Variants in OSBPL10 observed in about 807,000 individuals in gnomAD.
OSBPL10 encodes the protein oxysterol-binding protein-related protein 10.
OSBPL10 carries 49 observed loss-of-function variants against 81.7 expected under a neutral mutation model. The ratio of observed to expected loss-of-function variants is 0.60; its 90% CI spans 0.48 to 0.76. OSBPL10 has a LOEUF of 0.76. OSBPL10 is among the 30% of genes least tolerant of loss of function. OSBPL10 has a pLI of 0.00. For missense variants in OSBPL10, 923 were observed against 987.8 expected (o/e 0.93, Z 0.88); for synonymous variants, 419 against 383.6 (o/e 1.09, Z -1.08).
chr3:32,012,717 AC>A (rs1263167031), intron 2 of OSBPL10, among the ~76,000 whole-genome samples: 1 of 152,206 alleles, frequency 6.6e-6, no homozygotes, highest in Non-Finnish European at 1.5e-5. Context: ...GCAGAGACAC[AC>A]TTAGGCTCAA....
At position 31,945,149 on chromosome 3, in the gene OSBPL10, CAAAAAAAA is replaced by C. The variant is rs71628589; in HGVS notation, c.281+35742_281+35749del. On this transcript the variant is annotated intron_variant, in intron 1 of 11. Transcript: ENST00000396556. The stretch of plus-strand genomic sequence containing the variant: ...CTGGCGACAGAGCAAGACTCCGTCT[CAAAAAAAA>C]AAAAAAAAAAAAACAGGAAGGAACA... Among the ~76,000 whole-genome samples, 44 of 81,618 alleles carry C rather than the reference CAAAAAAAA, an allele frequency of 5.4e-4. 1 individual carries two copies. The highest frequency in any genetic ancestry group is 1.9e-3 in the African/African-American group (43 of 22,310). 53.5% of individuals were successfully genotyped at this position (81,618 alleles called of 152,430 possible). A position where few individuals can be genotyped will look rare whatever the true frequency, so the allele number is the denominator to read the frequency against.
Position 31,718,974 on chromosome 3 carries a change from G to A in OSBPL10, c.1095+14283C>T, listed in dbSNP as rs188531117. ...GTGCATTTCTCTTAATAAGAGGACT[G>A]CTAGAGTCTTGCTAGATGATGTTTC... On this transcript the variant is annotated intron_variant, in intron 6 of 11. Transcript: ENST00000396556. 6 of 152,294 alleles carry A rather than the reference G, an allele frequency of 3.9e-5. No individual in the cohort carries two copies. In the East Asian group the frequency reaches 1.2e-3, roughly 29 times the overall value. 9.4% of individuals were successfully genotyped at this position (152,294 alleles called of 1,614,324 possible).
intron 1 of OSBPL10, among the ~76,000 whole-genome samples, chr3:31,916,336 T>A (rs1696757152): frequency 6.6e-6 from 1 of 152,156 alleles, no homozygotes; most frequent in South Asian, 2.1e-4. Context: ...AATTCTAAAG[T>A]CACGTAAAAT....
At chr3:31,712,424 G>A (rs185141938) in intron 6 of OSBPL10, among the ~76,000 whole-genome samples, 6 of 152,360 alleles carry the variant, frequency 3.9e-5, no homozygotes, top group Admixed American at 3.3e-4. Flanking sequence ...GAGATGAGGA[G>A]ATTAACCTGG....
chr3:31,758,306 A>G (rs1016146238), intron 4 of OSBPL10, among the ~76,000 whole-genome samples: 3 of 152,224 alleles, frequency 2.0e-5, no homozygotes, highest in African/African-American at 7.2e-5. Context: ...GTCCATCCCA[A>G]CTAAGAACTG....
chr3:31,950,134 G>C (rs1697827434), intron 1 of OSBPL10, among the ~76,000 whole-genome samples: 1 of 152,136 alleles, frequency 6.6e-6, no homozygotes, highest in African/African-American at 2.4e-5. Context: ...TGGAAAAGAA[G>C]TAAGAACTTG....
intron 2 of OSBPL10, among the ~76,000 whole-genome samples, chr3:32,026,131 G>C (rs1361794197): frequency 6.6e-6 from 1 of 151,632 alleles, no homozygotes; most frequent in Non-Finnish European, 1.5e-5. Flanking sequence ...CAGAGATAGA[G>C]ATAGAGATAT....
intron 3 of OSBPL10, among the ~76,000 whole-genome samples, chr3:31,864,716 G>A (rs1701135145): frequency 1.3e-5 from 2 of 152,104 alleles, no homozygotes; most frequent in Admixed American, 6.5e-5. Context: ...GAGATAGAGG[G>A]GAAGGAACTG....
At chr3:31,866,176 T>A (rs564414630) in intron 3 of OSBPL10, among the ~76,000 whole-genome samples, 1 of 152,254 alleles carries the variant, frequency 6.6e-6, no homozygotes, top group African/African-American at 2.4e-5. Flanking sequence ...CACCTCACCC[T>A]TCACATTTTG....
chr3:31,846,547 G>A (rs1215981077), intron 3 of OSBPL10, among the ~76,000 whole-genome samples: 1 of 151,994 alleles, frequency 6.6e-6, no homozygotes, highest in Admixed American at 6.5e-5. Context: ...CTGAGGAATC[G>A]CTTGAACCTG....
Position 31,989,289 on chromosome 3 carries a change from G to A in OSBPL10, n.298+57202C>T, listed in dbSNP as rs199689587. The A allele has an allele frequency of 1.1e-5, 17 of 1,614,062 alleles. No individual in the cohort carries two copies. In the East Asian group the frequency reaches 3.8e-4, roughly 36 times the overall value. On this transcript the variant is annotated intron_variant and non_coding_transcript_variant, in intron 2 of 3. Transcript: ENST00000479173. Reference sequence around the variant, plus strand: ...CTGTGGATATCTCTTCCAAATGCATGATGAAGAAGTTCTCATCAACAGCGC... The same window carrying A: ...CTGTGGATATCTCTTCCAAATGCATAATGAAGAAGTTCTCATCAACAGCGC...
chr3:31,974,724 G>A (rs1698648967), intron 1 of OSBPL10, among the ~76,000 whole-genome samples: 1 of 152,182 alleles, frequency 6.6e-6, no homozygotes, highest in Non-Finnish European at 1.5e-5. Context: ...ACCGTATGCG[G>A]GGAGATACTA....
At chr3:32,052,790 T>A (rs961113990) in intron 1 of OSBPL10, among the ~76,000 whole-genome samples, 2 of 151,884 alleles carry the variant, frequency 1.3e-5, no homozygotes, top group Non-Finnish European at 2.9e-5. Context: ...ACATCATACA[T>A]TGGGGCCTGT....
intron 1 of OSBPL10, among the ~76,000 whole-genome samples, chr3:31,962,252 T>C (rs777450623): frequency 1.5e-4 from 23 of 152,180 alleles, no homozygotes; most frequent in Non-Finnish European, 1.6e-4. Flanking sequence ...CCACCGCGCC[T>C]GGCCGGCATC....
At chr3:32,059,465 C>A (rs1334856784) in intron 1 of OSBPL10, among the ~76,000 whole-genome samples, 6 of 151,536 alleles carry the variant, frequency 4.0e-5, no homozygotes, top group Non-Finnish European at 5.9e-5. Context: ...GTGGTGGGCA[C>A]CTATAATCCC....
Position 31,838,508 on chromosome 3 carries a change from C to CA in OSBPL10, c.538-8278dup, listed in dbSNP as rs60893746. On this transcript the variant is annotated intron_variant, in intron 3 of 11. Transcript: ENST00000396556. The stretch of plus-strand genomic sequence containing the variant: ...CCTGGGCGACAGAGCAAGACTCTGT[C>CA]AAAAAAAAAAAAAAAAAAAAAAAAA... Among the ~76,000 whole-genome samples the CA allele has an allele frequency of 4.3e-3, 415 of 95,674 alleles. 14 individuals carry two copies. Among genetic ancestry groups the CA allele is most frequent in the Middle Eastern group, 0.011 (2 of 180 alleles). 62.8% of individuals were successfully genotyped at this position (95,674 alleles called of 152,430 possible).
At chr3:31,840,297 T>A (rs912888669) in intron 3 of OSBPL10, among the ~76,000 whole-genome samples, 11 of 152,180 alleles carry the variant, frequency 7.2e-5, no homozygotes, top group African/African-American at 2.7e-4. Context: ...GAAGCAAATT[T>A]GATTTTTCTT....
At chr3:31,750,963 T>TA (rs2125703174) in intron 4 of OSBPL10, among the ~76,000 whole-genome samples, 1 of 152,256 alleles carries the variant, frequency 6.6e-6, no homozygotes, top group South Asian at 2.1e-4. Flanking sequence ...TCTTCTCTAT[T>TA]ACAACAGATG....
intron 4 of OSBPL10, among the ~76,000 whole-genome samples, chr3:31,793,353 TG>T (rs1334754643): frequency 6.6e-6 from 1 of 152,230 alleles, no homozygotes; most frequent in African/African-American, 2.4e-5. Context: ...AGCACCCGTT[TG>T]TATGACCTCC....
Sources: allele counts gnomAD v4.1 joint callset (sites outside exome capture counted in the v4.1 genomes callset), GRCh38; gene constraint gnomAD v4.1.1; transcripts MANE v1.5; gene names NCBI Gene and HGNC (gene_info 2026-07-23, HGNC 2026-07-21).